The following AZU1 variants were observed in gnomAD, a reference collection of about 807,000 sequenced individuals.
The protein encoded by AZU1 is azurocidin 1.
In AZU1, 21 loss-of-function variants were observed where a neutral mutation model predicts 17.8. That is an observed-to-expected ratio of 1.18 (90% CI 0.84 to 1.70). The LOEUF (loss-of-function observed/expected upper bound fraction) is 1.70. AZU1 is among the 40% of genes most tolerant of loss of function. The probability of loss-of-function intolerance (pLI) is 0.00; values close to 1 mark genes in which losing one functional copy is unlikely to be tolerated. For missense variants in AZU1, 379 were observed against 362.9 expected (o/e 1.04, Z -0.36); for synonymous variants, 178 against 155.2 (o/e 1.15, Z -1.09).
Position 829,581 on chromosome 19 carries a change from G to T in AZU1, c.235G>T (p.Val79Leu). 1 of 1,613,184 alleles carries T rather than the reference G, an allele frequency of 6.2e-7. No individual in the cohort carries two copies. Among genetic ancestry groups the T allele is most frequent in the Non-Finnish European group, 8.5e-7 (1 of 1,179,940 alleles). ...TCTCAGGAACCCCGGGGTTAGCACC[G>T]TGGTGCTGGGTGCCTATGACCTGAG... is the stretch of plus-strand genomic sequence containing the variant. Reference protein sequence around the residue: ...FQSQNPGVSTVVLGAYDLRRR... With the variant: ...FQSQNPGVSTLVLGAYDLRRR... The change falls in exon 3 of 5, where the codon GTG (valine) becomes TTG (leucine). Residue 79 changes from valine to leucine, a missense_variant. Transcript: ENST00000233997.
Position 829,581 on chromosome 19 carries a change from G to A in AZU1, c.235G>A (p.Val79Met), listed in dbSNP as rs779809077. The stretch of plus-strand genomic sequence containing the variant: ...TCTCAGGAACCCCGGGGTTAGCACC[G>A]TGGTGCTGGGTGCCTATGACCTGAG... ...FQSQNPGVST[V>M]VLGAYDLRRR... Residue 79 changes from valine (V) to methionine (M), a missense_variant, in exon 3 of 5, where the codon GTG becomes ATG. By Grantham distance (21) the Val-to-Met change is conservative. Coordinates refer to ENST00000233997, the MANE Select transcript of AZU1 (RefSeq NM_001700.5). 16 of 1,613,066 alleles carry A rather than the reference G, an allele frequency of 9.9e-6. No individual in the cohort carries two copies. Among genetic ancestry groups the A allele is most frequent in the Admixed American group, 5.0e-5 (3 of 59,974 alleles).
rs1202866354 is a variant in AZU1, at chr19:831,960, TGCCCCCGCTCCG to T, written c.*87_*98del. On this transcript the variant is annotated 3_prime_UTR_variant, in exon 5 of 5. Transcript: ENST00000233997. ...CACCCACCTCCCACGGCCCCGCCCCTGCCCCCGCTCCGGCCAGAGGGGCCCTGGCTGTAATAA... is the reference window on the plus strand; with the variant it reads ...CACCCACCTCCCACGGCCCCGCCCCTGCCAGAGGGGCCCTGGCTGTAATAA... The T allele has an allele frequency of 2.0e-6, 3 of 1,470,068 alleles. No homozygotes were observed. Among genetic ancestry groups the T allele is most frequent in the Non-Finnish European group, 2.8e-6 (3 of 1,083,116 alleles). 91.1% of individuals were successfully genotyped at this position (1,470,068 alleles called of 1,614,324 possible).
intron 4 of AZU1, chr19:831,204 C>G (rs2035284338): frequency 3.0e-5 from 14 of 474,138 alleles, no homozygotes; most frequent in Non-Finnish European, 5.2e-5. Context: ...CCTCAGCCTC[C>G]TAAGTAGCTG....
At chr19:831,000 G>T in intron 4 of AZU1, 59 bp downstream of exon 4, 1 of 1,535,866 alleles carries the variant, frequency 6.5e-7, no homozygotes, top group African/African-American at 1.4e-5. Context: ...CTCCGTGGCA[G>T]GAGAAAGCAA....
chr19:829,760 C>G, intron 3 of AZU1, 54 bp downstream of exon 3: 2 of 1,587,864 alleles, frequency 1.3e-6, no homozygotes, highest in Non-Finnish European at 1.7e-6. Context: ...CGACGTTAGC[C>G]AGGGAAACAA....
rs1397137947 is a variant in AZU1, at chr19:831,764, G to T, written c.643G>T (p.Ala215Ser). Reference protein sequence around the residue: ...LVCEGLAHGVASFSLGPCGRG... With the variant: ...LVCEGLAHGVSSFSLGPCGRG... ...CTGCGAGGGCCTGGCCCACGGCGTG[G>T]CCTCCTTTTCCCTGGGGCCCTGTGG... Residue 215 changes from alanine to serine, a missense_variant, in exon 5 of 5, where the codon GCC becomes TCC. Transcript: ENST00000233997. The T allele has an allele frequency of 1.2e-6, 2 of 1,612,532 alleles. No homozygotes were observed. The highest frequency in any genetic ancestry group is 1.7e-6 in the Non-Finnish European group (2 of 1,179,748).
intron 4 of AZU1, 199 bp from the exon 5 acceptor site, chr19:831,517 G>A: frequency 1.7e-6 from 1 of 603,204 alleles, no homozygotes; most frequent in Non-Finnish European, 2.8e-6. Context: ...CAGCCTGGAG[G>A]TGCCAGGAAG....
In AZU1 at chr19:831,776, CTGG is replaced by C; in HGVS notation, c.656_658del (p.Leu219_Gly220delinsArg). On this transcript the variant is annotated inframe_deletion, in exon 5 of 5. Transcript: ENST00000233997. ...GGCCCACGGCGTGGCCTCCTTTTCC[CTGG>C]GGCCCTGTGGCCGAGGCCCTGACTT... The C allele has an allele frequency of 6.2e-7, 1 of 1,612,776 alleles. No homozygotes were observed. The highest frequency in any genetic ancestry group is 8.5e-7 in the Non-Finnish European group (1 of 1,179,820).
Position 829,584 on chromosome 19 carries a change from G to C in AZU1, c.238G>C (p.Val80Leu). 3 of 1,613,238 alleles carry C rather than the reference G, an allele frequency of 1.9e-6. No homozygotes were observed. The highest frequency in any genetic ancestry group is 8.5e-7 in the Non-Finnish European group (1 of 1,179,940). The change falls in exon 3 of 5, where the codon GTG (valine) becomes CTG (leucine). Residue 80 changes from valine (V) to leucine (L), a missense_variant. By Grantham distance (32) the Val-to-Leu change is conservative. Transcript: ENST00000233997. ...QSQNPGVSTV[V>L]LGAYDLRRRE... ...CAGGAACCCCGGGGTTAGCACCGTGGTGCTGGGTGCCTATGACCTGAGGCG... is the reference window on the plus strand; with the variant it reads ...CAGGAACCCCGGGGTTAGCACCGTGCTGCTGGGTGCCTATGACCTGAGGCG...
At position 827,983 on chromosome 19, in the gene AZU1, A is replaced by G; in HGVS notation, c.58+79A>G. The stretch of plus-strand genomic sequence containing the variant: ...AGGGCAGAACTCAGACTTAAAGCAC[A>G]GAGAAGGCAAGCGGCTTGGCCTGGG... On this transcript the variant is annotated intron_variant, in intron 1 of 4. Transcript: ENST00000233997. 5.9e-6 allele frequency: 9 copies of G among 1,514,394 alleles called. No homozygotes were observed. The South Asian group carries it at 8.4e-5, about 14-fold the overall frequency. 93.8% of individuals were successfully genotyped at this position (1,514,394 alleles called of 1,614,324 possible).
rs1014964088 is a variant in AZU1 at position 830,941 on chromosome 19, T to A, written c.594T>A (p.Asn198Lys). ...TCACCCGCCGCGGTGGCATCTGCAA[T>A]GTGAGTGCTCCCTGTGGCGGGAGGA... ...GVLTRRGGIC[N>K]GDGGTPLVCE... Residue 198 changes from asparagine (N) to lysine (K), a missense_variant and splice_region_variant, in exon 4 of 5, where the codon AAT (asparagine) becomes AAA (lysine). Transcript: ENST00000233997. 8.7e-6 allele frequency: 14 copies of A among 1,600,166 alleles called. No homozygotes were observed. Among genetic ancestry groups the A allele is most frequent in the Non-Finnish European group, 1.2e-5 (14 of 1,179,532 alleles).
intron 2 of AZU1, among the ~76,000 whole-genome samples, 194 bp downstream of exon 2, chr19:828,580 G>C (rs1005681899): frequency 6.6e-6 from 1 of 151,542 alleles, no homozygotes; most frequent in Admixed American, 6.6e-5. Flanking sequence ...ATATTGGGGG[G>C]CTCAGATGGA....
At chr19:829,062 C>A (rs113256983) in intron 2 of AZU1, among the ~76,000 whole-genome samples, 4 of 26,232 alleles carry the variant, frequency 1.5e-4, no homozygotes, top group African/African-American at 3.5e-4. Flanking sequence ...TGGGGGAGGC[C>A]CAGGGAAGGG....
chr19:829,706 G>A lies in AZU1; in HGVS notation c.360G>A (p.Gln120=), dbSNP rs1401078990. Residue 120 remains glutamine (Q), a splice_region_variant and synonymous_variant, in exon 3 of 5, where the codon CAG becomes CAA. Transcript: ENST00000233997. ...ACCTGAACGACCTGATGCTGCTTCAGGTGAGAGGATGGTGCCACCTGTGAT... is the reference window on the plus strand; with the variant it reads ...ACCTGAACGACCTGATGCTGCTTCAAGTGAGAGGATGGTGCCACCTGTGAT... The part of the protein sequence containing the change: ...QQNLNDLMLL[Q]LDREANLTSS... 2 of 1,613,008 alleles carry A rather than the reference G, an allele frequency of 1.2e-6. No individual in the cohort carries two copies. The highest frequency in any genetic ancestry group is 1.7e-6 in the Non-Finnish European group (2 of 1,179,760).
intron 3 of AZU1, among the ~76,000 whole-genome samples, 198 bp from the exon 4 acceptor site, chr19:830,510 C>T (rs746607931): frequency 1.4e-4 from 22 of 152,190 alleles, no homozygotes; most frequent in Non-Finnish European, 2.6e-4. Context: ...GAACTCCTGG[C>T]CTCAAGTGAT....
At chr19:829,745 G>A (rs780603210) in intron 3 of AZU1, 39 bp downstream of exon 3, 1 of 1,598,650 alleles carries the variant, frequency 6.3e-7, no homozygotes. Context: ...AGCACCTCGG[G>A]AGGCCGACGT....
intron 2 of AZU1, 122 bp downstream of exon 2, chr19:828,508 G>A: frequency 9.3e-7 from 1 of 1,078,132 alleles, no homozygotes. Flanking sequence ...AAAAGGAGGG[G>A]CTCAGGGAAA....
chr19:827,980 C>T (rs951125091), intron 1 of AZU1, 76 bp downstream of exon 1: 12 of 1,517,116 alleles, frequency 7.9e-6, no homozygotes, highest in Non-Finnish European at 1.1e-5. Flanking sequence ...AGACTTAAAG[C>T]ACAGAGAAGG....
rs373338227 is a variant in AZU1 at position 830,700 on chromosome 19, T to G, written c.361-8T>G. 9.0e-5 allele frequency: 140 copies of G among 1,549,094 alleles called. No individual in the cohort carries two copies. The highest frequency in any genetic ancestry group is 5.5e-5 in the Non-Finnish European group (63 of 1,151,466). ...GCCACCCTCCCCTGACTCCATTTCC[T>G]TCCCCAGCTGGACCGTGAGGCCAAC... On this transcript the variant is annotated splice_polypyrimidine_tract_variant and splice_region_variant and intron_variant, in intron 3 of 4. Transcript: ENST00000233997.
Sources: allele counts gnomAD v4.1 joint callset (sites outside exome capture counted in the v4.1 genomes callset), GRCh38; gene constraint gnomAD v4.1.1; transcripts MANE v1.5; gene names NCBI Gene and HGNC (gene_info 2026-07-23, HGNC 2026-07-21).